The following CNTNAP5 variants were observed in gnomAD, a reference collection of about 807,000 sequenced individuals.
The protein encoded by CNTNAP5 is contactin associated protein family member 5.
A neutral mutation model predicts 150.2 loss-of-function variants in CNTNAP5; 72 were observed. That is an observed-to-expected ratio of 0.48 (90% CI 0.40 to 0.58). The LOEUF is 0.58. CNTNAP5 is among the 20% of genes least tolerant of loss of function. CNTNAP5 has a pLI of 0.00. For missense variants in CNTNAP5, 1,636 were observed against 1,626.2 expected, an observed-to-expected ratio of 1.01 and a Z score of -0.10; for synonymous variants, 672 against 619.8, an observed-to-expected ratio of 1.08 and a Z score of -1.25.
intron 12 of CNTNAP5, among the ~76,000 whole-genome samples, chr2:124,636,336 T>G (rs1677968055): frequency 6.6e-6 from 1 of 152,190 alleles, no homozygotes. Context: ...ATTACATATC[T>G]AATGCATGGT....
intron 21 of CNTNAP5, among the ~76,000 whole-genome samples, chr2:124,871,655 C>T (rs17012102): frequency 0.068 from 10,336 of 152,200 alleles, 1,127 homozygotes; most frequent in African/African-American, 0.23. Flanking sequence ...ACCAAGAAGT[C>T]CGCTGTCCAT....
intron 1 of CNTNAP5, among the ~76,000 whole-genome samples, chr2:124,093,784 G>C (rs1005157445): frequency 3.3e-5 from 5 of 152,180 alleles, no homozygotes; most frequent in African/African-American, 9.7e-5. Context: ...CATTGCATTT[G>C]CATGTCAGCT....
intron 1 of CNTNAP5, among the ~76,000 whole-genome samples, chr2:124,101,327 A>G (rs1683056647): frequency 6.6e-6 from 1 of 152,182 alleles, no homozygotes; most frequent in African/African-American, 2.4e-5. Context: ...CTCACTAAGT[A>G]GAAGACCTCA....
intron 3 of CNTNAP5, among the ~76,000 whole-genome samples, chr2:124,342,403 A>T (rs1328535291): frequency 2.0e-5 from 3 of 152,158 alleles, no homozygotes; most frequent in Non-Finnish European, 4.4e-5. Flanking sequence ...AGAGAGTGAC[A>T]TTCTTTACTT....
intron 13 of CNTNAP5, among the ~76,000 whole-genome samples, chr2:124,731,129 A>G (rs926336018): frequency 6.6e-6 from 1 of 152,094 alleles, no homozygotes; most frequent in African/African-American, 2.4e-5. Flanking sequence ...CCTCTAATGA[A>G]TATTAGACTT....
intron 3 of CNTNAP5, among the ~76,000 whole-genome samples, chr2:124,269,527 G>A (rs1329225640): frequency 6.6e-6 from 1 of 152,126 alleles, no homozygotes; most frequent in African/African-American, 2.4e-5. Context: ...CTTTGTGCCT[G>A]CAATCGCTGG....
intron 19 of CNTNAP5, among the ~76,000 whole-genome samples, chr2:124,848,316 C>A (rs570793171): frequency 6.6e-6 from 1 of 152,120 alleles, no homozygotes; most frequent in Non-Finnish European, 1.5e-5. Flanking sequence ...TGCATTATGT[C>A]TTCCAATATC....
chr2:124,503,367 G>A (rs147950837), intron 7 of CNTNAP5, among the ~76,000 whole-genome samples: 4 of 152,288 alleles, frequency 2.6e-5, no homozygotes, highest in South Asian at 4.1e-4. Flanking sequence ...ACTGTACTGC[G>A]TATCTAACTC....
intron 19 of CNTNAP5, among the ~76,000 whole-genome samples, chr2:124,864,247 T>C (rs1677582055): frequency 6.6e-6 from 1 of 152,230 alleles, no homozygotes; most frequent in East Asian, 1.9e-4. Flanking sequence ...CATATAATAC[T>C]TGTATATATT....
chr2:124,217,433 G>A (rs1168469060), intron 1 of CNTNAP5, among the ~76,000 whole-genome samples: 1 of 152,178 alleles, frequency 6.6e-6, no homozygotes, highest in Non-Finnish European at 1.5e-5. Flanking sequence ...CTTATTGAAG[G>A]CTGCAGGAGC....
chr2:124,156,109 G>A (rs1311557274), intron 1 of CNTNAP5, among the ~76,000 whole-genome samples: 1 of 152,232 alleles, frequency 6.6e-6, no homozygotes, highest in Non-Finnish European at 1.5e-5. Context: ...CAGACAAATA[G>A]AGTTGACAGG....
chr2:124,695,167 T>C (rs1679380598), intron 13 of CNTNAP5, among the ~76,000 whole-genome samples: 1 of 152,162 alleles, frequency 6.6e-6, no homozygotes. Context: ...ATAGTTTCTG[T>C]GGTGTGAATA....
At chr2:124,907,859 G>T (rs1342575185) in intron 22 of CNTNAP5, among the ~76,000 whole-genome samples, 1 of 150,060 alleles carries the variant, frequency 6.7e-6, no homozygotes, top group Admixed American at 6.7e-5. Flanking sequence ...CATCATACTA[G>T]ATCTGAAGTA....
At chr2:124,261,541 CT>C (rs1242333789) in intron 3 of CNTNAP5, among the ~76,000 whole-genome samples, 1 of 152,154 alleles carries the variant, frequency 6.6e-6, no homozygotes, top group Non-Finnish European at 1.5e-5. Context: ...CCCAATACCC[CT>C]ACTCCTGCCC....
intron 3 of CNTNAP5, among the ~76,000 whole-genome samples, chr2:124,356,926 G>C (rs1342758560): frequency 3.3e-5 from 5 of 151,972 alleles, no homozygotes; most frequent in African/African-American, 1.2e-4. Context: ...CCCACCAACA[G>C]TGTAAAAGTG....
intron 3 of CNTNAP5, among the ~76,000 whole-genome samples, chr2:124,411,429 A>T (rs1315485527): frequency 2.0e-4 from 30 of 152,026 alleles, no homozygotes; most frequent in Non-Finnish European, 7.4e-5. Flanking sequence ...CAACCAAAAA[A>T]GAGAATTTTA....
At position 124,453,661 on chromosome 2, in the gene CNTNAP5, C is replaced by T. The variant is rs530137732; in HGVS notation, c.918+6724C>T. 5.3e-5 allele frequency among the ~76,000 whole-genome samples: 8 copies of T among 152,224 alleles called. No homozygotes were observed. The South Asian group carries it at 1.7e-3, about 32-fold the overall frequency. On this transcript the variant is annotated intron_variant, in intron 6 of 23. Coordinates refer to ENST00000682447, the MANE Select transcript of CNTNAP5 (RefSeq NM_001367498.1). Reference sequence around the variant, plus strand: ...ACACCAGGTAACCTACAAAGGAAAACCTATCAGATTAACAGCAGATTTCTC... The same window carrying T: ...ACACCAGGTAACCTACAAAGGAAAATCTATCAGATTAACAGCAGATTTCTC...
At chr2:124,332,509 G>T (rs1689374514) in intron 3 of CNTNAP5, among the ~76,000 whole-genome samples, 1 of 151,178 alleles carries the variant, frequency 6.6e-6, no homozygotes, top group Admixed American at 6.6e-5. Context: ...AATATATTTT[G>T]TCTTTTTATA....
At chr2:124,115,370 C>T (rs1302892734) in intron 1 of CNTNAP5, among the ~76,000 whole-genome samples, 1 of 152,068 alleles carries the variant, frequency 6.6e-6, no homozygotes, top group African/African-American at 2.4e-5. Context: ...GACTGAAACT[C>T]AGGGTATTGG....
Sources: allele counts gnomAD v4.1 joint callset (sites outside exome capture counted in the v4.1 genomes callset), GRCh38; gene constraint gnomAD v4.1.1; transcripts MANE v1.5; gene names NCBI Gene and HGNC (gene_info 2026-07-23, HGNC 2026-07-21).